The following VTI1A variants were observed in gnomAD, a reference collection of about 807,000 sequenced individuals.
VTI1A encodes vesicle transport through interaction with t-SNAREs 1A, also known as vesicle transport through interaction with t-SNAREs homolog 1A.
VTI1A carries 22 observed loss-of-function variants against 34.9 expected under a neutral mutation model. That is an observed-to-expected ratio of 0.63 (90% confidence interval 0.45 to 0.90). VTI1A has a LOEUF of 0.90. Among genes scored for constraint, VTI1A ranks in the 40% least tolerant of loss-of-function variants. The probability of loss-of-function intolerance (pLI) is 0.00; values close to 1 mark genes in which losing one functional copy is unlikely to be tolerated. For missense variants in VTI1A, 268 were observed against 275.6 expected, an observed-to-expected ratio of 0.97 and a Z score of 0.20; for synonymous variants, 87 against 97.3, an observed-to-expected ratio of 0.89 and a Z score of 0.62.
intron 7 of VTI1A, among the ~76,000 whole-genome samples, chr10:112,755,987 A>C (rs1448953120): frequency 6.6e-6 from 1 of 152,104 alleles, no homozygotes; most frequent in Non-Finnish European, 1.5e-5. Context: ...TAAGTACTGT[A>C]CCAAAAGCAG....
At chr10:112,669,870 A>G (rs1348512834) in intron 7 of VTI1A, among the ~76,000 whole-genome samples, 1 of 152,200 alleles carries the variant, frequency 6.6e-6, no homozygotes, top group East Asian at 1.9e-4. Flanking sequence ...TTGCCGTGTT[A>G]CAGACTTATT....
chr10:112,474,081 A>T (rs1422939854), intron 3 of VTI1A, among the ~76,000 whole-genome samples: 5 of 149,560 alleles, frequency 3.3e-5, no homozygotes, highest in Admixed American at 1.3e-4. Flanking sequence ...TTTTTTTTTG[A>T]GATGGAGTCT....
the VTI1A span, among the ~76,000 whole-genome samples, chr10:112,844,502 G>A: frequency 3.3e-5 from 5 of 152,148 alleles, no homozygotes; most frequent in Non-Finnish European, 5.9e-5. Context: ...GGGTTGAAGC[G>A]ATTCTCCTGC....
At chr10:112,537,311 G>GTATATATATATATCTA (rs1850673691) in intron 4 of VTI1A, among the ~76,000 whole-genome samples, 1 of 65,222 alleles carries the variant, frequency 1.5e-5, no homozygotes, top group Non-Finnish European at 3.6e-5. Context: ...AAGTATCTAG[G>GTATATATATATATCTA]TATATATATA....
chr10:112,825,701 C>T, the VTI1A span: 34 of 152,330 alleles, frequency 2.2e-4, no homozygotes, highest in African/African-American at 7.9e-4. Flanking sequence ...CCCAGGAGAA[C>T]CCTCATGTCT....
Position 112,546,002 on chromosome 10 carries a change from G to GTATGTGTGTGTATATACGTGTATACA in VTI1A, c.427+7672_427+7673insTATGTGTGTGTATATACGTGTATACA, listed in dbSNP as rs1564821355. On this transcript the variant is annotated intron_variant, in intron 5 of 7. Transcript: ENST00000393077. ...TATGTGTGTGTATATACGTGTATACGCGTATGTGTGTGTATATACGTGTAT... is the reference window on the plus strand; with the variant it reads ...TATGTGTGTGTATATACGTGTATACGTATGTGTGTGTATATACGTGTATACACGTATGTGTGTGTATATACGTGTAT... 2.8e-4 allele frequency among the ~76,000 whole-genome samples: 34 copies of GTATGTGTGTGTATATACGTGTATACA among 123,080 alleles called. 3 individuals carry two copies. The South Asian group carries it at 3.2e-3, about 12-fold the overall frequency. 80.7% of individuals were successfully genotyped at this position (123,080 alleles called of 152,430 possible). A position where few individuals can be genotyped will look rare whatever the true frequency, so the allele number is the denominator to read the frequency against.
At chr10:112,601,238 G>C (rs1265937148) in intron 5 of VTI1A, among the ~76,000 whole-genome samples, 1 of 152,042 alleles carries the variant, frequency 6.6e-6, no homozygotes, top group Non-Finnish European at 1.5e-5. Flanking sequence ...CAAAGGTACA[G>C]AGGCAGAAAA....
chr10:112,706,757 C>T (rs1039401375), intron 7 of VTI1A, among the ~76,000 whole-genome samples: 46 of 152,118 alleles, frequency 3.0e-4, no homozygotes, highest in African/African-American at 1.0e-3. Flanking sequence ...GCTACTTCTT[C>T]GTCTTTCATG....
chr10:112,795,211 C>T lies in VTI1A; in HGVS notation c.561-20079C>T, dbSNP rs572077996. ...CATCAGATCCGATTTTAAATACCAGCTTTTCCACCAACTAGCTGTGTGATC... is the reference window on the plus strand; with the variant it reads ...CATCAGATCCGATTTTAAATACCAGTTTTTCCACCAACTAGCTGTGTGATC... On this transcript the variant is annotated intron_variant, in intron 7 of 7. Coordinates refer to ENST00000393077, the MANE Select transcript of VTI1A (RefSeq NM_145206.4). Among the ~76,000 whole-genome samples the T allele has an allele frequency of 1.9e-3, 287 of 152,252 alleles. 1 individual carries two copies. Among genetic ancestry groups the T allele is most frequent in the African/African-American group, 6.8e-3 (282 of 41,526 alleles).
chr10:112,733,287 T>C (rs1850333706), intron 7 of VTI1A, among the ~76,000 whole-genome samples: 1 of 152,166 alleles, frequency 6.6e-6, no homozygotes, highest in Admixed American at 6.5e-5. Flanking sequence ...AAGTATAGCA[T>C]GCAGTATATT....
intron 5 of VTI1A, among the ~76,000 whole-genome samples, chr10:112,652,528 C>T (rs1248334950): frequency 2.0e-5 from 3 of 152,030 alleles, no homozygotes; most frequent in Non-Finnish European, 2.9e-5. Flanking sequence ...TGAGACCAGC[C>T]TGGGCAACAT....
intron 7 of VTI1A, among the ~76,000 whole-genome samples, chr10:112,764,642 A>T (rs759609114): frequency 5.0e-4 from 76 of 152,286 alleles, no homozygotes; most frequent in Middle Eastern, 6.8e-3. Flanking sequence ...ATAAATATAA[A>T]TTTTTAATTA....
chr10:112,807,094 G>A (rs967877604), intron 7 of VTI1A, among the ~76,000 whole-genome samples: 16 of 152,170 alleles, frequency 1.1e-4, no homozygotes, highest in Admixed American at 5.2e-4. Flanking sequence ...CTGTGAACTC[G>A]GCTGGGACTG....
intron 7 of VTI1A, among the ~76,000 whole-genome samples, chr10:112,703,913 G>A (rs1430614796): frequency 1.3e-5 from 2 of 152,154 alleles, no homozygotes; most frequent in African/African-American, 2.4e-5. Flanking sequence ...TTTCCAATTA[G>A]TGTTGAGGTC....
In VTI1A at chr10:112,488,960, G is replaced by A. The variant is rs537637232; in HGVS notation, c.264+24303G>A. ...CCTTTTATTTTATTCTCGTGTTTTG[G>A]AACTTTGGCCTCTTAGCTCGCAGTT... On this transcript the variant is annotated intron_variant, in intron 3 of 7. Coordinates refer to ENST00000393077, the MANE Select transcript of VTI1A (RefSeq NM_145206.4). Among the ~76,000 whole-genome samples, 8 of 152,100 alleles carry A rather than the reference G, an allele frequency of 5.3e-5. No individual in the cohort carries two copies. The South Asian group carries it at 8.3e-4, about 16-fold the overall frequency.
intron 7 of VTI1A, among the ~76,000 whole-genome samples, chr10:112,743,633 G>A (rs1039320258): frequency 2.0e-5 from 3 of 152,144 alleles, no homozygotes; most frequent in Non-Finnish European, 4.4e-5. Flanking sequence ...CTCTGCCTTT[G>A]GAAGGTTGGA....
intron 5 of VTI1A, among the ~76,000 whole-genome samples, chr10:112,656,031 C>G (rs12782053): frequency 0.11 from 16,163 of 152,278 alleles, 896 homozygotes; most frequent in Middle Eastern, 0.14. Flanking sequence ...AATGAGAGCA[C>G]TAGCTGGAAG....
the VTI1A span, chr10:112,831,639 C>T: frequency 2.0e-5 from 3 of 152,202 alleles, no homozygotes; most frequent in Non-Finnish European, 4.4e-5. Context: ...AAACGTAAAA[C>T]TTTTGTTCAA....
At chr10:112,790,831 C>G (rs1450976076) in intron 7 of VTI1A, among the ~76,000 whole-genome samples, 2 of 148,776 alleles carry the variant, frequency 1.3e-5, no homozygotes, top group Non-Finnish European at 2.9e-5. Context: ...CCTCTTCGCT[C>G]ATAGCTGGAA....
Sources: allele counts gnomAD v4.1 joint callset (sites outside exome capture counted in the v4.1 genomes callset), GRCh38; gene constraint gnomAD v4.1.1; transcripts MANE v1.5; gene names NCBI Gene and HGNC (gene_info 2026-07-23, HGNC 2026-07-21).